Variants in NOL4 observed in about 807,000 individuals in gnomAD.
The protein encoded by NOL4 is nucleolar protein 4, also known as cancer/testis antigen 125.
NOL4 carries 17 observed loss-of-function variants against 75.9 expected under a neutral mutation model. That is an observed-to-expected ratio of 0.22 (90% confidence interval 0.15 to 0.34). The LOEUF (loss-of-function observed/expected upper bound fraction) is 0.34, where lower values mean the gene tolerates loss of function less well. Ranked by LOEUF, NOL4 falls within the 10% of genes least tolerant of loss-of-function variation. NOL4 has a pLI of 1.00. For synonymous variants in NOL4, 292 were observed against 289.9 expected (o/e 1.01, Z -0.07); for missense variants, 614 against 793.5 (o/e 0.77, Z 2.72).
chr18:33,978,466 T>G (rs1427473029), intron 6 of NOL4, among the ~76,000 whole-genome samples: 1 of 152,144 alleles, frequency 6.6e-6, no homozygotes, highest in Non-Finnish European at 1.5e-5. Context: ...ATTACTATTT[T>G]CTTATCTGTC....
intron 1 of NOL4, among the ~76,000 whole-genome samples, chr18:34,218,589 C>A (rs763794888): frequency 1.3e-5 from 2 of 152,188 alleles, no homozygotes; most frequent in African/African-American, 2.4e-5. Context: ...TTATTCTTCA[C>A]AACTCCACAA....
chr18:33,894,941 T>C (rs2065309687), intron 9 of NOL4, among the ~76,000 whole-genome samples: 1 of 152,112 alleles, frequency 6.6e-6, no homozygotes, highest in Non-Finnish European at 1.5e-5. Context: ...AATAATGATA[T>C]ATACTTCGTA....
chr18:33,972,612 G>A (rs2071162003), intron 6 of NOL4, among the ~76,000 whole-genome samples: 2 of 152,098 alleles, frequency 1.3e-5, no homozygotes, highest in Admixed American at 6.6e-5. Flanking sequence ...TCACTTCTGG[G>A]TATATACAGG....
intron 6 of NOL4, among the ~76,000 whole-genome samples, chr18:33,958,873 C>A (rs552328634): frequency 3.2e-4 from 48 of 152,162 alleles, no homozygotes; most frequent in African/African-American, 1.1e-3. Context: ...CAGTATTATG[C>A]TAACTTTATT....
At chr18:34,221,951 C>T in intron 1 of NOL4, 3 of 1,364,806 alleles carry the variant, frequency 2.2e-6, no homozygotes, top group Non-Finnish European at 3.0e-6. Flanking sequence ...TCAAGAAACC[C>T]CAAAGCGAGG....
intron 5 of NOL4, 26 bp from the exon 6 acceptor site, chr18:34,019,627 T>G: frequency 6.3e-7 from 1 of 1,595,332 alleles, no homozygotes; most frequent in Non-Finnish European, 8.6e-7. Context: ...AGTTATATTT[T>G]GATTTTAATT....
rs117707018 is a variant in NOL4 at position 33,995,224 on chromosome 18, T to C, written c.1056+24094A>G. 3.8e-4 allele frequency among the ~76,000 whole-genome samples: 57 copies of C among 151,640 alleles called. 3 individuals are homozygous for C. The East Asian group carries it at 0.01, about 27-fold the overall frequency. On this transcript the variant is annotated intron_variant, in intron 6 of 10. Coordinates refer to ENST00000261592, the MANE Select transcript of NOL4 (RefSeq NM_003787.5). ...ATCAATTATTCACTCTTCTAAGAAATAGAAGAAAAGGGAACAGTTGCCAAC... is the reference window on the plus strand; with the variant it reads ...ATCAATTATTCACTCTTCTAAGAAACAGAAGAAAAGGGAACAGTTGCCAAC...
intron 6 of NOL4, among the ~76,000 whole-genome samples, chr18:33,998,614 C>T (rs917075728): frequency 2.6e-5 from 4 of 151,980 alleles, no homozygotes; most frequent in African/African-American, 9.7e-5. Context: ...TATGGGGAAA[C>T]AAAGATATGT....
chr18:34,120,704 G>T (rs2080100102), intron 2 of NOL4, among the ~76,000 whole-genome samples: 1 of 152,156 alleles, frequency 6.6e-6, no homozygotes, highest in Non-Finnish European at 1.5e-5. Context: ...GTGCTACAGA[G>T]GTAGGAAGTC....
chr18:33,998,184 A>G (rs2073430117), intron 6 of NOL4, among the ~76,000 whole-genome samples: 1 of 152,044 alleles, frequency 6.6e-6, no homozygotes. Context: ...GATGGAAATC[A>G]AAAATTAACC....
intron 1 of NOL4, among the ~76,000 whole-genome samples, chr18:34,144,771 T>C (rs1021188335): frequency 4.6e-5 from 7 of 152,206 alleles, no homozygotes; most frequent in Non-Finnish European, 8.8e-5. Context: ...AGAGACACTA[T>C]GCTTAGAGAT....
intron 10 of NOL4, among the ~76,000 whole-genome samples, chr18:33,860,863 A>G (rs2063090376): frequency 6.6e-6 from 1 of 152,014 alleles, no homozygotes. Context: ...AATTTTGTCA[A>G]AGGCCTTTTC....
intron 5 of NOL4, among the ~76,000 whole-genome samples, chr18:34,085,756 T>C (rs1024993130): frequency 3.3e-5 from 5 of 152,176 alleles, no homozygotes; most frequent in African/African-American, 1.2e-4. Context: ...TAAATAAATA[T>C]ACAACTAAAC....
At chr18:34,183,353 A>C (rs1044011415) in intron 1 of NOL4, among the ~76,000 whole-genome samples, 1 of 151,876 alleles carries the variant, frequency 6.6e-6, no homozygotes, top group African/African-American at 2.4e-5. Context: ...ATCACTATAC[A>C]CTATTATAAT....
At chr18:33,919,573 A>G (rs1368597677) in intron 9 of NOL4, among the ~76,000 whole-genome samples, 2 of 152,222 alleles carry the variant, frequency 1.3e-5, no homozygotes, top group Non-Finnish European at 2.9e-5. Flanking sequence ...AAAGACATGT[A>G]TAGATTATTT....
At position 34,203,880 on chromosome 18, in the gene NOL4, C is replaced by T. The variant is rs371149880; in HGVS notation, c.264+19110G>A. 7.9e-5 allele frequency among the ~76,000 whole-genome samples: 12 copies of T among 151,960 alleles called. 1 individual carries two copies. The highest frequency in any genetic ancestry group is 2.9e-4 in the African/African-American group (12 of 41,478). On this transcript the variant is annotated intron_variant, in intron 1 of 10. Coordinates refer to ENST00000261592, the MANE Select transcript of NOL4 (RefSeq NM_003787.5). The stretch of plus-strand genomic sequence containing the variant: ...ATAGAAGTCTTGGTCCCATATGACC[C>T]AGGGACTCCACTACATCATCCGTAC...
At chr18:34,218,992 A>G (rs2037107317) in intron 1 of NOL4, among the ~76,000 whole-genome samples, 1 of 152,142 alleles carries the variant, frequency 6.6e-6, no homozygotes, top group South Asian at 2.1e-4. Context: ...AATAACAAAA[A>G]CAGTTACTGT....
intron 6 of NOL4, among the ~76,000 whole-genome samples, chr18:33,997,600 T>C (rs951792529): frequency 6.6e-6 from 1 of 150,868 alleles, no homozygotes; most frequent in Non-Finnish European, 1.5e-5. Flanking sequence ...CACATCAAAC[T>C]ATACTTCAAA....
At position 34,070,578 on chromosome 18, in the gene NOL4, A is replaced by G. The variant is rs527378798; in HGVS notation, c.772+22887T>C. On this transcript the variant is annotated intron_variant, in intron 5 of 10. Coordinates refer to ENST00000261592, the MANE Select transcript of NOL4 (RefSeq NM_003787.5). ...ACAATCTTTAAAGTACTCGGAAAACATGTTCACAGTGTAGAGTTATACAGT... is the reference window on the plus strand; with the variant it reads ...ACAATCTTTAAAGTACTCGGAAAACGTGTTCACAGTGTAGAGTTATACAGT... Among the ~76,000 whole-genome samples the G allele has an allele frequency of 7.2e-5, 11 of 152,334 alleles. No homozygotes were observed. The South Asian group carries it at 2.3e-3, about 32-fold the overall frequency.
Sources: gnomAD v4.1 joint callset for allele counts (sites outside exome capture counted in the v4.1 genomes callset) on GRCh38, gnomAD v4.1.1 for gene constraint, MANE v1.5 for transcripts, NCBI Gene and HGNC (gene_info 2026-07-23, HGNC 2026-07-21) for gene names.